The following CDKAL1 variants were observed in gnomAD, a reference collection of about 807,000 sequenced individuals.
The protein encoded by CDKAL1 is CDKAL1 threonylcarbamoyladenosine tRNA methylthiotransferase, also known as threonylcarbamoyladenosine tRNA methylthiotransferase.
In CDKAL1, 32 loss-of-function variants were observed where a neutral mutation model predicts 68.2. The observed-to-expected ratio is 0.47, with a 90% CI of 0.35 to 0.63. CDKAL1 has a LOEUF of 0.63. CDKAL1 is among the 30% of genes least tolerant of loss of function. CDKAL1 has a pLI of 0.00. For synonymous variants in CDKAL1, 234 were observed against 244.3 expected, an observed-to-expected ratio of 0.96 and a Z score of 0.39; for missense variants, 606 against 696.7, an observed-to-expected ratio of 0.87 and a Z score of 1.47.
intron 6 of CDKAL1, among the ~76,000 whole-genome samples, chr6:20,749,349 C>T (rs1773812481): frequency 6.6e-6 from 1 of 152,142 alleles, no homozygotes; most frequent in African/African-American, 2.4e-5. Flanking sequence ...TGCTGTCCCT[C>T]TTTTGACCAC....
At position 20,592,713 on chromosome 6, in the gene CDKAL1, C is replaced by T. The variant is rs561712211; in HGVS notation, c.286+44008C>T. On this transcript the variant is annotated intron_variant, in intron 4 of 15. Transcript: ENST00000274695. ...AGAACTCCTGACCGTGTGATCCACCCGCCTCGGCTTCCCAAAGTGCTGGGA... is the reference window on the plus strand; with the variant it reads ...AGAACTCCTGACCGTGTGATCCACCTGCCTCGGCTTCCCAAAGTGCTGGGA... Among the ~76,000 whole-genome samples the T allele has an allele frequency of 8.0e-4, 121 of 152,144 alleles. 1 individual carries two copies. The highest frequency in any genetic ancestry group is 1.6e-3 in the Admixed American group (24 of 15,278).
chr6:21,137,497 AT>A (rs1262020785), intron 13 of CDKAL1, among the ~76,000 whole-genome samples: 7 of 152,204 alleles, frequency 4.6e-5, no homozygotes, highest in Admixed American at 6.5e-5. Context: ...CCCTGAAACA[AT>A]GGGCTAAAGT....
chr6:20,859,834 G>T (rs1472534741), intron 9 of CDKAL1, among the ~76,000 whole-genome samples: 1 of 152,134 alleles, frequency 6.6e-6, no homozygotes, highest in East Asian at 1.9e-4. Context: ...TCATCCTGTT[G>T]CACTTTCTCT....
chr6:21,205,828 G>T, intron 15 of CDKAL1, among the ~76,000 whole-genome samples: 1 of 88,094 alleles, frequency 1.1e-5, no homozygotes, highest in Admixed American at 1.3e-4. Flanking sequence ...CCCGCGCCCA[G>T]CCTTTTTTTT....
At chr6:20,648,739 A>G (rs1768607014) in intron 4 of CDKAL1, among the ~76,000 whole-genome samples, 1 of 152,364 alleles carries the variant, frequency 6.6e-6, no homozygotes, top group East Asian at 1.9e-4. Context: ...AAAAATTCAT[A>G]TAATAAATAT....
chr6:21,136,138 C>T (rs1179159176), intron 13 of CDKAL1, among the ~76,000 whole-genome samples: 1 of 152,126 alleles, frequency 6.6e-6, no homozygotes, highest in African/African-American at 2.4e-5. Context: ...CACTGTAGGC[C>T]ATGTTTTGTG....
intron 10 of CDKAL1, among the ~76,000 whole-genome samples, chr6:20,996,647 C>T (rs1767128917): frequency 6.6e-6 from 1 of 152,108 alleles, no homozygotes; most frequent in African/African-American, 2.4e-5. Context: ...TCACTGATGA[C>T]AGATCATCAC....
intron 9 of CDKAL1, among the ~76,000 whole-genome samples, chr6:20,936,645 TGA>T (rs1286345268): frequency 6.6e-6 from 1 of 152,162 alleles, no homozygotes; most frequent in East Asian, 1.9e-4. Flanking sequence ...GGCAGTACTA[TGA>T]CACGCTTCAG....
chr6:20,942,971 A>G (rs767353268), intron 9 of CDKAL1, among the ~76,000 whole-genome samples: 32 of 145,828 alleles, frequency 2.2e-4, no homozygotes, highest in Non-Finnish European at 4.1e-4. Context: ...AAAAAAAAAG[A>G]TTAAAAATTA....
chr6:20,875,863 G>A (rs1022003161), intron 9 of CDKAL1, among the ~76,000 whole-genome samples: 5 of 152,162 alleles, frequency 3.3e-5, no homozygotes, highest in South Asian at 2.1e-4. Context: ...CTCTGTGTGT[G>A]ATTTGTATAA....
At chr6:21,003,924 T>C (rs573921378) in intron 11 of CDKAL1, among the ~76,000 whole-genome samples, 36 of 152,374 alleles carry the variant, frequency 2.4e-4, no homozygotes, top group Admixed American at 2.4e-3. Context: ...CCTTTCTAAA[T>C]GGCGGCCCAT....
At chr6:20,546,785 C>G (rs1561915482) in intron 3 of CDKAL1, among the ~76,000 whole-genome samples, 1 of 152,156 alleles carries the variant, frequency 6.6e-6, no homozygotes, top group Admixed American at 6.5e-5. Context: ...AACTCCTAAC[C>G]TCAGGTGATC....
chr6:21,125,871 A>G (rs1017450645), intron 13 of CDKAL1, among the ~76,000 whole-genome samples: 1 of 152,028 alleles, frequency 6.6e-6, no homozygotes, highest in Non-Finnish European at 1.5e-5. Flanking sequence ...CGCTCCCACA[A>G]TCTCTGTGCT....
intron 4 of CDKAL1, among the ~76,000 whole-genome samples, chr6:20,647,675 C>T (rs1768541523): frequency 6.6e-6 from 1 of 152,078 alleles, no homozygotes; most frequent in South Asian, 2.1e-4. Context: ...ACTCAGGTGG[C>T]ATTGGGAATA....
chr6:21,167,436 T>G (rs1205914453), intron 13 of CDKAL1, among the ~76,000 whole-genome samples: 1 of 152,180 alleles, frequency 6.6e-6, no homozygotes. Context: ...GAACCAAAGA[T>G]GGCAATTAGT....
At chr6:21,189,708 A>T (rs1301825519) in intron 13 of CDKAL1, among the ~76,000 whole-genome samples, 1 of 152,150 alleles carries the variant, frequency 6.6e-6, no homozygotes, top group Non-Finnish European at 1.5e-5. Flanking sequence ...GCCCTATTTC[A>T]TTATAGAATG....
At chr6:20,855,320 G>A (rs1759269244) in intron 9 of CDKAL1, among the ~76,000 whole-genome samples, 1 of 151,798 alleles carries the variant, frequency 6.6e-6, no homozygotes, top group African/African-American at 2.4e-5. Flanking sequence ...GTGCATGCCT[G>A]TAATCTCAGC....
intron 4 of CDKAL1, among the ~76,000 whole-genome samples, chr6:20,569,465 G>A (rs1764610348): frequency 6.6e-6 from 1 of 152,180 alleles, no homozygotes. Context: ...CCTGCCAAAG[G>A]AATGCTTTTA....
At chr6:20,558,894 G>T (rs1581724379) in intron 4 of CDKAL1, 1 of 288,908 alleles carries the variant, frequency 3.5e-6, no homozygotes, top group East Asian at 8.7e-5. Context: ...CTCCCAAAGT[G>T]CTGGGATTAC....
Sources: gnomAD v4.1 joint callset for allele counts (sites outside exome capture counted in the v4.1 genomes callset) on GRCh38, gnomAD v4.1.1 for gene constraint, MANE v1.5 for transcripts, NCBI Gene and HGNC (gene_info 2026-07-23, HGNC 2026-07-21) for gene names.